Variants in NCF2 observed in about 807,000 individuals in gnomAD.
NCF2 encodes neutrophil cytosol factor 2.
In NCF2, 45 loss-of-function variants were observed where a neutral mutation model predicts 70.9. The observed-to-expected ratio is 0.63, with a 90% CI of 0.50 to 0.81. NCF2 has a LOEUF of 0.81. Among genes scored for constraint, NCF2 ranks in the 40% least tolerant of loss-of-function variants. The pLI, the probability that NCF2 is intolerant of heterozygous loss-of-function variation, is 0.00. For missense variants in NCF2, 522 were observed against 631.6 expected (o/e 0.83, Z 1.86); for synonymous variants, 203 against 233.6 (o/e 0.87, Z 1.19).
chr1:183,598,868 A>C, the NCF2 span, among the ~76,000 whole-genome samples: 2 of 152,242 alleles, frequency 1.3e-5, no homozygotes, highest in African/African-American at 2.4e-5. Flanking sequence ...GTGATCCCTA[A>C]AATCTTATCA....
chr1:183,575,946 C>G (rs559406873), intron 3 of NCF2, among the ~76,000 whole-genome samples: 1 of 152,342 alleles, frequency 6.6e-6, no homozygotes, highest in African/African-American at 2.4e-5. Context: ...CTACTGCCTT[C>G]TGAATTCGTT....
the NCF2 span, among the ~76,000 whole-genome samples, chr1:183,600,373 T>C: frequency 1.3e-5 from 2 of 152,242 alleles, no homozygotes; most frequent in Non-Finnish European, 2.9e-5. Context: ...TTGTGTCAGA[T>C]GGTTCTTGAC....
intron 13 of NCF2, 148 bp downstream of exon 13, chr1:183,563,047 A>G: frequency 1.3e-6 from 1 of 750,572 alleles, no homozygotes; most frequent in Non-Finnish European, 2.3e-6. Flanking sequence ...GATGCAGGTA[A>G]AAGGGAGGCA....
chr1:183,555,836 A>G lies in NCF2; in HGVS notation c.*282T>C. On this transcript the variant is annotated 3_prime_UTR_variant, in exon 15 of 15. Coordinates refer to ENST00000367535, the MANE Select transcript of NCF2 (RefSeq NM_000433.4). ...AGCACTCAGAGCAAGAAACAGGATC[A>G]GTACCTGGAAGACTCTCTCGTGCCC... 2.0e-6 allele frequency: 1 copy of G among 492,626 alleles called. No homozygotes were observed. Among genetic ancestry groups the G allele is most frequent in the Non-Finnish European group, 3.7e-6 (1 of 270,874 alleles). The allele number at this position is 492,626 out of a possible 1,614,324, so 30.5% of individuals were successfully genotyped here. A position where few individuals can be genotyped will look rare whatever the true frequency, so the allele number is the denominator to read the frequency against.
In NCF2 at chr1:183,570,780, C is replaced by T; in HGVS notation, c.669G>A (p.Gln223=). The T allele has an allele frequency of 2.5e-6, 4 of 1,614,166 alleles. No individual in the cohort carries two copies. Among genetic ancestry groups the T allele is most frequent in the Non-Finnish European group, 3.4e-6 (4 of 1,180,000 alleles). Residue 223 remains glutamine, a splice_region_variant and synonymous_variant, in exon 6 of 15, where the codon CAG becomes CAA. Transcript: ENST00000367535. ...SFSGFAPLQP[Q]AAEPPPRPKT... ...ATGGAGAAGGTCAGGACTGCCTTAC[C>T]TGTGGTTGCAGAGGGGCAAACCCAG...
intron 7 of NCF2, 115 bp downstream of exon 7, chr1:183,569,027 A>C: frequency 3.0e-6 from 3 of 994,918 alleles, no homozygotes; most frequent in Non-Finnish European, 4.8e-6. Flanking sequence ...GACATTCCAG[A>C]AAATTCAACA....
At chr1:183,570,194 T>C (rs1256504367) in intron 6 of NCF2, among the ~76,000 whole-genome samples, 2 of 152,346 alleles carry the variant, frequency 1.3e-5, no homozygotes, top group South Asian at 2.1e-4. Context: ...CTTAATGTGT[T>C]TTCCCCTCTT....
At chr1:183,565,562 C>A (rs1353790030) in intron 10 of NCF2, 142 bp downstream of exon 10, 1 of 787,304 alleles carries the variant, frequency 1.3e-6, no homozygotes, top group Non-Finnish European at 2.2e-6. Flanking sequence ...AAGGGGGATT[C>A]TGGGGCTGCG....
At chr1:183,574,814 A>G (rs1211126737) in intron 3 of NCF2, among the ~76,000 whole-genome samples, 193 bp from the exon 4 acceptor site, 1 of 152,246 alleles carries the variant, frequency 6.6e-6, no homozygotes, top group East Asian at 1.9e-4. Context: ...TGGTGTTAAG[A>G]AAACACCATG....
intron 14 of NCF2, among the ~76,000 whole-genome samples, chr1:183,558,423 A>C (rs888673332): frequency 1.3e-4 from 19 of 150,230 alleles, no homozygotes; most frequent in African/African-American, 4.2e-4. Context: ...ACCTACCACT[A>C]TACCCGGCTA....
At chr1:183,561,326 T>C (rs371974153) in intron 13 of NCF2, among the ~76,000 whole-genome samples, 7 of 152,164 alleles carry the variant, frequency 4.6e-5, no homozygotes, top group Admixed American at 4.6e-4. Context: ...TGAGAGGCAA[T>C]ACAATGAGGT....
intron 5 of NCF2, among the ~76,000 whole-genome samples, chr1:183,571,202 C>T (rs1672545496): frequency 6.9e-6 from 1 of 145,240 alleles, no homozygotes; most frequent in Admixed American, 7.2e-5. Flanking sequence ...ACTGCAACCT[C>T]TGCCTTCCAG....
intron 3 of NCF2, among the ~76,000 whole-genome samples, chr1:183,575,155 C>A (rs1034214548): frequency 1.3e-5 from 2 of 152,168 alleles, no homozygotes; most frequent in Admixed American, 6.5e-5. Flanking sequence ...CTGGCCCAGA[C>A]CATGTGAGTA....
In NCF2 at chr1:183,563,479, A is replaced by T. The variant is rs776252831; in HGVS notation, c.1133T>A (p.Met378Lys). 6.2e-7 allele frequency: 1 copy of T among 1,614,154 alleles called. No homozygotes were observed. The highest frequency in any genetic ancestry group is 1.1e-5 in the South Asian group (1 of 91,082). The change falls in exon 12 of 15, where the codon ATG becomes AAG. Residue 378 changes from methionine (M) to lysine (K), a missense_variant. By Grantham distance (95) the Met-to-Lys change is moderately conservative (BLOSUM62 -1). Coordinates refer to ENST00000367535, the MANE Select transcript of NCF2 (RefSeq NM_000433.4). ...PGLPYSQVRD[M>K]VSKKLELRLE... ...CCGGAGCTCCAGTTTCTTAGACACC[A>T]TGTCCCGGACCTGGCTGTAGGGGAG...
chr1:183,581,096 T>A (rs1344463181), intron 2 of NCF2, among the ~76,000 whole-genome samples: 4 of 150,636 alleles, frequency 2.7e-5, no homozygotes, highest in African/African-American at 9.8e-5. Flanking sequence ...GCCTAGGCAA[T>A]ATGGAGAAAC....
At chr1:183,577,905 G>A (rs142827935) in intron 2 of NCF2, among the ~76,000 whole-genome samples, 198 bp from the exon 3 acceptor site, 245 of 152,272 alleles carry the variant, frequency 1.6e-3, no homozygotes, top group Middle Eastern at 6.8e-3. Context: ...GTTCCCCCCA[G>A]GGCTGTGCCT....
chr1:183,556,550 C>T (rs1219139823), intron 14 of NCF2, among the ~76,000 whole-genome samples: 1 of 152,174 alleles, frequency 6.6e-6, no homozygotes, highest in Non-Finnish European at 1.5e-5. Flanking sequence ...CCACCCCCAA[C>T]CTTGACAGGG....
At chr1:183,565,263 T>G (rs1672250350) in intron 10 of NCF2, among the ~76,000 whole-genome samples, 1 of 152,210 alleles carries the variant, frequency 6.6e-6, no homozygotes, top group Non-Finnish European at 1.5e-5. Flanking sequence ...CCATTTCACA[T>G]CTGCCCATTG....
At chr1:183,567,904 G>A (rs567710297) in intron 7 of NCF2, among the ~76,000 whole-genome samples, 7 of 152,144 alleles carry the variant, frequency 4.6e-5, no homozygotes, top group South Asian at 2.1e-4. Flanking sequence ...GTGCAGTGTC[G>A]GTTCCCTTAA....
Sources: allele counts gnomAD v4.1 joint callset (sites outside exome capture counted in the v4.1 genomes callset), GRCh38; gene constraint gnomAD v4.1.1; transcripts MANE v1.5; gene names NCBI Gene and HGNC (gene_info 2026-07-23, HGNC 2026-07-21).